KCNH3: variants seen among roughly 807,000 people sequenced by gnomAD.
KCNH3 encodes potassium voltage-gated channel subfamily H member 3.
Under a neutral mutation model 95.6 loss-of-function variants are expected in KCNH3, and 36 were observed. The observed-to-expected ratio is 0.38, with a 90% CI of 0.29 to 0.50. The LOEUF is 0.50. Ranked by LOEUF, KCNH3 falls within the 20% of genes least tolerant of loss-of-function variation. The pLI, the probability that KCNH3 is intolerant of heterozygous loss-of-function variation, is 0.95. For missense variants in KCNH3, 1,030 were observed against 1,484.1 expected (o/e 0.69, Z 5.03); for synonymous variants, 620 against 646.3 (o/e 0.96, Z 0.62).
intron 7 of KCNH3, among the ~76,000 whole-genome samples, chr12:49,545,705 ACTGT>A (rs1371482286): frequency 6.6e-6 from 1 of 151,886 alleles, no homozygotes; most frequent in Non-Finnish European, 1.5e-5. Context: ...GCCTCGTATG[ACTGT>A]CTGCTCCTTG....
chr12:49,549,348 C>A, intron 8 of KCNH3, 93 bp from the exon 9 acceptor site: 1 of 1,523,564 alleles, frequency 6.6e-7, no homozygotes, highest in Non-Finnish European at 9.0e-7. Flanking sequence ...CAGGCCTTGC[C>A]TAGGAGCGTG....
intron 10 of KCNH3, among the ~76,000 whole-genome samples, chr12:49,551,737 C>T (rs1047811577): frequency 5.9e-5 from 9 of 152,100 alleles, no homozygotes; most frequent in Admixed American, 6.6e-5. Context: ...CCACTGCTGA[C>T]GACATCGAAT....
Position 49,557,792 on chromosome 12 carries a change from G to A in KCNH3, c.3091G>A (p.Glu1031Lys). The change falls in exon 15 of 15, where the codon GAG (glutamate) becomes AAG (lysine). Residue 1031 changes from glutamate (E) to lysine (K), a missense_variant. Physicochemically the swap from Glu to Lys is moderately conservative, Grantham distance 56 (BLOSUM62 1). Coordinates refer to ENST00000257981, the MANE Select transcript of KCNH3 (RefSeq NM_012284.3). ...SEEGARTGPAEPVSQAEATST... is the reference protein window; with the variant it reads ...SEEGARTGPAKPVSQAEATST... ...GGAAGGGGCTAGGACTGGGCCCGCA[G>A]AGCCTGTGAGCCAGGCTGAGGCTAC... 6.2e-7 allele frequency: 1 copy of A among 1,605,390 alleles called. No individual in the cohort carries two copies.
Position 49,540,820 on chromosome 12 carries a change from G to A in KCNH3, c.77-79G>A, listed in dbSNP as rs1428552635. 3 of 1,173,390 alleles carry A rather than the reference G, an allele frequency of 2.6e-6. No homozygotes were observed. The East Asian group carries it at 7.1e-5, about 28-fold the overall frequency. 72.7% of individuals were successfully genotyped at this position (1,173,390 alleles called of 1,614,324 possible). Reference sequence around the variant, plus strand: ...GGTTTGGAAAACCCACTCTTTGGTTGCAGGCATTTGAGAAAGGAGGGGTGG... The same window carrying A: ...GGTTTGGAAAACCCACTCTTTGGTTACAGGCATTTGAGAAAGGAGGGGTGG... On this transcript the variant is annotated intron_variant, in intron 1 of 14. Coordinates refer to ENST00000257981, the MANE Select transcript of KCNH3 (RefSeq NM_012284.3).
At chr12:49,544,130 G>A (rs757167168) in intron 6 of KCNH3, 45 bp from the exon 7 acceptor site, 38 of 1,600,566 alleles carry the variant, frequency 2.4e-5, no homozygotes, top group Non-Finnish European at 3.2e-5. Flanking sequence ...GGCAGGGCCG[G>A]CCCGCTGACC....
intron 4 of KCNH3, among the ~76,000 whole-genome samples, chr12:49,543,068 G>A (rs1294865056): frequency 6.6e-6 from 1 of 152,220 alleles, no homozygotes; most frequent in East Asian, 1.9e-4. Flanking sequence ...CCCCTAAGCA[G>A]CTGTGTGGCC....
At chr12:49,555,384 T>A (rs55853522) in intron 11 of KCNH3, among the ~76,000 whole-genome samples, 8 of 146,820 alleles carry the variant, frequency 5.4e-5, no homozygotes, top group African/African-American at 1.8e-4. Flanking sequence ...GAGGTGGAGC[T>A]TGCAGCGAGC....
At position 49,555,781 on chromosome 12, in the gene KCNH3, G is replaced by C. The variant is rs1938419091; in HGVS notation, c.2298G>C (p.Lys766Asn). 6.2e-7 allele frequency: 1 copy of C among 1,613,598 alleles called. No individual in the cohort carries two copies. Among genetic ancestry groups the C allele is most frequent in the South Asian group, 1.1e-5 (1 of 91,042 alleles). The change falls in exon 12 of 15, where the codon AAG becomes AAC. Residue 766 changes from lysine to asparagine, a missense_variant. By Grantham distance (94) the Lys-to-Asn change is moderately conservative. This residue lies in a region of KCNH3 where 464 missense variants were observed against 493.2 expected (regional missense o/e 0.94). Transcript: ENST00000257981. ...GCACCTCCTCATCCTCAGCTGCCAA[G>C]CTGCTATCCCCACGTCGAACAGCAC... ...PGCTSSSSAA[K>N]LLSPRRTAPR...
chr12:49,542,442 C>T (rs1029882776), intron 3 of KCNH3, among the ~76,000 whole-genome samples: 7 of 152,230 alleles, frequency 4.6e-5, no homozygotes, highest in South Asian at 2.1e-4. Flanking sequence ...GGCCTTTCCC[C>T]GTAGAGATCC....
chr12:49,554,305 A>C, intron 10 of KCNH3, 32 bp from the exon 11 acceptor site: 1 of 1,573,270 alleles, frequency 6.4e-7, no homozygotes, highest in Non-Finnish European at 8.7e-7. Context: ...TGAAGCTCTC[A>C]GGGCTTGCTG....
intron 5 of KCNH3, 88 bp downstream of exon 5, chr12:49,543,606 C>A: frequency 6.7e-7 from 1 of 1,496,466 alleles, no homozygotes; most frequent in Non-Finnish European, 9.0e-7. Flanking sequence ...CAGGGTGCTA[C>A]AGTGCCCCCC....
chr12:49,548,095 C>CGTGTGTGTGTGTGTGTGTGTGT (rs369626063), intron 7 of KCNH3, among the ~76,000 whole-genome samples: 1 of 146,616 alleles, frequency 6.8e-6, no homozygotes, highest in Non-Finnish European at 1.5e-5. Context: ...CCTGTGACTA[C>CGTGTGTGTGTGTGTGTGTGTGT]GTGTGTGTGT....
intron 5 of KCNH3, 97 bp from the exon 6 acceptor site, chr12:49,543,818 G>C: frequency 6.8e-7 from 1 of 1,463,044 alleles, no homozygotes; most frequent in Non-Finnish European, 9.4e-7. Context: ...GGGAAGGGCC[G>C]GGGACAGTGT....
chr12:49,550,952 CAG>C (rs758943368), intron 10 of KCNH3, among the ~76,000 whole-genome samples: 31 of 152,210 alleles, frequency 2.0e-4, no homozygotes, highest in Non-Finnish European at 3.1e-4. Flanking sequence ...GTGCTGATAA[CAG>C]GGGGCTCACA....
At position 49,542,755 on chromosome 12, in the gene KCNH3, C is replaced by T. The variant is rs766306456; in HGVS notation, c.495C>T (p.Ala165=). Residue 165 remains alanine, a synonymous_variant, in exon 4 of 15, where the codon GCC becomes GCT. Transcript: ENST00000257981. ...GGGCACGATCCAAAGGCTTCAATGC[C>T]AACCGGCGGCGGAGCCGGGCCGTGC... is the stretch of plus-strand genomic sequence containing the variant. The part of the protein sequence containing the change: ...YGRARSKGFN[A]NRRRSRAVLY... 6.3e-7 allele frequency: 1 copy of T among 1,589,948 alleles called. No homozygotes were observed. Among genetic ancestry groups the T allele is most frequent in the Non-Finnish European group, 8.6e-7 (1 of 1,169,270 alleles).
In KCNH3 at chr12:49,539,319, C is replaced by A; in HGVS notation, c.-98C>A. 2 of 649,904 alleles carry A rather than the reference C, an allele frequency of 3.1e-6. No individual in the cohort carries two copies. Among genetic ancestry groups the A allele is most frequent in the Non-Finnish European group, 4.4e-6 (2 of 455,178 alleles). 40.3% of individuals were successfully genotyped at this position (649,904 alleles called of 1,614,324 possible). ...GCCCCCCGACGGCTGCGCTAGGGAG[C>A]GCGGGGCCCGGCGGGGGGCGGCCGA... is the stretch of plus-strand genomic sequence containing the variant. On this transcript the variant is annotated 5_prime_UTR_variant, in exon 1 of 15. Transcript: ENST00000257981. The surrounding 1 kb of genome is among the most constrained non-coding windows in gnomAD (Gnocchi z 6.7).
chr12:49,548,760 C>T, intron 7 of KCNH3, 135 bp from the exon 8 acceptor site: 2 of 859,580 alleles, frequency 2.3e-6, no homozygotes, highest in Non-Finnish European at 3.5e-6. Flanking sequence ...GAGGGGTGTG[C>T]TAGGCTGGCA....
intron 7 of KCNH3, 134 bp downstream of exon 7, chr12:49,544,516 C>A: frequency 1.1e-6 from 1 of 870,058 alleles, no homozygotes; most frequent in Non-Finnish European, 1.8e-6. Flanking sequence ...AGAGGGTGTG[C>A]AGGTGTGAGT....
At chr12:49,543,586 A>G (rs1937948839) in intron 5 of KCNH3, 68 bp downstream of exon 5, 1 of 1,554,232 alleles carries the variant, frequency 6.4e-7, no homozygotes. Flanking sequence ...GGGATAGTCC[A>G]CGTGGCTTCC....
Sources: gnomAD v4.1 joint callset for allele counts (sites outside exome capture counted in the v4.1 genomes callset) on GRCh38, gnomAD v4.1.1 for gene constraint, gnomAD v4.1.1 regional missense constraint, Gnocchi (gnomAD v3.1) non-coding constraint, MANE v1.5 for transcripts, NCBI Gene and HGNC (gene_info 2026-07-23, HGNC 2026-07-21) for gene names.